RPS6KC1: variants seen among roughly 807,000 people sequenced by gnomAD.
The protein encoded by RPS6KC1 is ribosomal protein S6 kinase C1.
Under a neutral mutation model 103.8 loss-of-function variants are expected in RPS6KC1, and 54 were observed. The ratio of observed to expected loss-of-function variants is 0.52; its 90% CI spans 0.42 to 0.65. RPS6KC1 has a LOEUF of 0.65. Among genes scored for constraint, RPS6KC1 ranks in the 30% least tolerant of loss-of-function variants. The pLI, the probability that RPS6KC1 is intolerant of heterozygous loss-of-function variation, is 0.00. For missense variants in RPS6KC1, 1,151 were observed against 1,253.8 expected (o/e 0.92, Z 1.24); for synonymous variants, 439 against 438.7 (o/e 1.00, Z -0.01).
At chr1:213,434,642 GAC>G in the RPS6KC1 span, among the ~76,000 whole-genome samples, 2 of 152,090 alleles carry the variant, frequency 1.3e-5, no homozygotes, top group East Asian at 3.9e-4. Flanking sequence ...TTTTATTAGA[GAC>G]AGCATTTTGC....
chr1:213,758,011 A>G, the RPS6KC1 span, among the ~76,000 whole-genome samples: 1 of 152,150 alleles, frequency 6.6e-6, no homozygotes, highest in African/African-American at 2.4e-5. Context: ...TTTTAGAATA[A>G]AATATTTTTA....
At chr1:213,696,429 G>T in the RPS6KC1 span, among the ~76,000 whole-genome samples, 1 of 151,078 alleles carries the variant, frequency 6.6e-6, no homozygotes, top group East Asian at 2.0e-4. Context: ...TTGAACCCGG[G>T]AGGCGGAGAC....
the RPS6KC1 span, among the ~76,000 whole-genome samples, chr1:213,798,564 C>A: frequency 6.6e-6 from 1 of 152,166 alleles, no homozygotes. Context: ...GTGAAGCATG[C>A]CTATTCCTTT....
intron 3 of RPS6KC1, among the ~76,000 whole-genome samples, chr1:213,089,663 T>C (rs1200402643): frequency 2.6e-5 from 4 of 152,134 alleles, no homozygotes; most frequent in Non-Finnish European, 4.4e-5. Context: ...GGTTTCACCA[T>C]GTTGGCCAGG....
chr1:213,152,689 G>A (rs1401292933), intron 6 of RPS6KC1, among the ~76,000 whole-genome samples: 1 of 148,452 alleles, frequency 6.7e-6, no homozygotes, highest in South Asian at 2.1e-4. Flanking sequence ...GATGGCGGCC[G>A]GGCAGAGGTG....
At chr1:213,592,170 C>T in the RPS6KC1 span, among the ~76,000 whole-genome samples, 1 of 152,188 alleles carries the variant, frequency 6.6e-6, no homozygotes, top group East Asian at 1.9e-4. Context: ...TATTCAAAAA[C>T]CCTAATGGCT....
chr1:213,419,797 G>T, the RPS6KC1 span, among the ~76,000 whole-genome samples: 1 of 152,212 alleles, frequency 6.6e-6, no homozygotes, highest in Non-Finnish European at 1.5e-5. Context: ...AGCTGCATGT[G>T]TCAGGGTCTG....
chr1:213,110,230 G>A lies in RPS6KC1; in HGVS notation c.378+5661G>A, dbSNP rs2082895336. Among the ~76,000 whole-genome samples, 4 of 152,146 alleles carry A rather than the reference G, an allele frequency of 2.6e-5. No individual in the cohort carries two copies. In the South Asian group the frequency reaches 8.3e-4, roughly 32 times the overall value. On this transcript the variant is annotated intron_variant, in intron 4 of 14. Transcript: ENST00000366960. ...CCTCACAGATAGTTTCGATTGACTG[G>A]TTACCTCCCATGTTTGGGTCACATA...
At chr1:213,494,222 C>T in the RPS6KC1 span, among the ~76,000 whole-genome samples, 2 of 152,042 alleles carry the variant, frequency 1.3e-5, no homozygotes. Context: ...TTGACAGACT[C>T]TAAGGGCAGA....
At chr1:213,756,022 G>A in the RPS6KC1 span, among the ~76,000 whole-genome samples, 4 of 152,126 alleles carry the variant, frequency 2.6e-5, no homozygotes, top group African/African-American at 9.7e-5. Context: ...ACCACCGCTG[G>A]GCTTACAAAG....
At chr1:213,300,807 C>G in the RPS6KC1 span, among the ~76,000 whole-genome samples, 1 of 152,300 alleles carries the variant, frequency 6.6e-6, no homozygotes, top group South Asian at 2.1e-4. Context: ...TTTAAATGTT[C>G]GCCAAATATC....
chr1:213,554,859 C>T, the RPS6KC1 span, among the ~76,000 whole-genome samples: 1 of 152,186 alleles, frequency 6.6e-6, no homozygotes, highest in African/African-American at 2.4e-5. Flanking sequence ...GTCCATTATG[C>T]ATTTCATTAT....
intron 3 of RPS6KC1, among the ~76,000 whole-genome samples, chr1:213,099,025 G>A (rs1474617330): frequency 1.3e-5 from 2 of 152,172 alleles, no homozygotes; most frequent in Admixed American, 1.3e-4. Context: ...GAAATTCAAA[G>A]CTGTAGTAGG....
At chr1:213,812,912 A>C in the RPS6KC1 span, among the ~76,000 whole-genome samples, 1 of 152,160 alleles carries the variant, frequency 6.6e-6, no homozygotes, top group Non-Finnish European at 1.5e-5. Context: ...AGGTTAAGAA[A>C]ACTGACATGA....
At chr1:213,577,457 C>G in the RPS6KC1 span, among the ~76,000 whole-genome samples, 152,373 of 152,378 alleles carry the variant, frequency 1, 76,184 homozygotes, top group Non-Finnish European at 1. Context: ...AAATGTGGAA[C>G]CAACTTTGGA....
At position 213,274,397 on chromosome 1, in the gene RPS6KC1, C is replaced by T. The variant is rs1337250895; in HGVS notation, c.*1763C>T. 6.6e-6 allele frequency: 1 copy of T among 152,154 alleles called. No individual in the cohort carries two copies. Among genetic ancestry groups the T allele is most frequent in the Non-Finnish European group, 1.5e-5 (1 of 68,022 alleles). 9.4% of individuals were successfully genotyped at this position (152,154 alleles called of 1,614,324 possible). On this transcript the variant is annotated 3_prime_UTR_variant, in exon 15 of 15. Transcript: ENST00000366960. ...GGACTTCACAACTAAGGTGAAGATC[C>T]CTGCCCTACCACATGATTTGAGTCT...
the RPS6KC1 span, among the ~76,000 whole-genome samples, chr1:213,670,870 G>C: frequency 6.6e-6 from 1 of 152,170 alleles, no homozygotes; most frequent in Admixed American, 6.5e-5. Flanking sequence ...TGTGACCTTG[G>C]GAAAGACCCT....
the RPS6KC1 span, among the ~76,000 whole-genome samples, chr1:213,768,449 G>A: frequency 6.6e-6 from 1 of 152,166 alleles, no homozygotes; most frequent in Admixed American, 6.5e-5. Context: ...TTTATCACAA[G>A]CGCCTATTTA....
chr1:213,412,579 G>A, the RPS6KC1 span, among the ~76,000 whole-genome samples: 1 of 152,216 alleles, frequency 6.6e-6, no homozygotes, highest in Non-Finnish European at 1.5e-5. Flanking sequence ...GATGTGCCCT[G>A]CCTGTCTCTT....
Sources: gnomAD v4.1 joint callset for allele counts (sites outside exome capture counted in the v4.1 genomes callset) on GRCh38, gnomAD v4.1.1 for gene constraint, MANE v1.5 for transcripts, NCBI Gene and HGNC (gene_info 2026-07-23, HGNC 2026-07-21) for gene names.